The following SUPT6H variants were observed in gnomAD, a reference collection of about 807,000 sequenced individuals.
SUPT6H encodes transcription elongation factor SPT6.
SUPT6H carries 11 observed loss-of-function variants against 222.3 expected under a neutral mutation model. The observed-to-expected ratio is 0.05, with a 90% CI of 0.03 to 0.08. SUPT6H has a LOEUF of 0.08. Ranked by LOEUF, SUPT6H falls within the 10% of genes least tolerant of loss-of-function variation. The pLI is 1.00. For missense variants in SUPT6H, 1,422 were observed against 2,216.0 expected, an observed-to-expected ratio of 0.64 and a Z score of 7.19; for synonymous variants, 762 against 801.2, an observed-to-expected ratio of 0.95 and a Z score of 0.83.
intron 1 of SUPT6H, among the ~76,000 whole-genome samples, chr17:28,672,024 G>A (rs756451093): frequency 8.5e-5 from 13 of 152,186 alleles, no homozygotes. Context: ...TTGCCTGCAA[G>A]GGGAGTAAAT....
chr17:28,690,921 G>A lies in SUPT6H; in HGVS notation c.3491G>A (p.Gly1164Glu). The change falls in exon 27 of 37, where the codon GGA becomes GAA. Residue 1164 changes from glycine (G) to glutamate (E), a missense_variant and splice_region_variant. Gly to Glu is a moderately conservative substitution (Grantham distance 98). Around this residue, in one of 13 missense-constraint regions of SUPT6H, gnomAD observed 60 missense variants for 96.7 expected, o/e 0.62. Transcript: ENST00000314616. The stretch of plus-strand genomic sequence containing the variant: ...CCCCATCCTCTTTTCCTTCTTGCAG[G>A]AAAGCTCATCATCTGCAATGTCACT... ...TKETPETFYI[G>E]KLIICNVTGI... 6.2e-7 allele frequency: 1 copy of A among 1,612,770 alleles called. No homozygotes were observed. The highest frequency in any genetic ancestry group is 1.7e-5 in the Admixed American group (1 of 60,002).
At chr17:28,697,340 C>T (rs1432582312) in intron 30 of SUPT6H, among the ~76,000 whole-genome samples, 4 of 152,186 alleles carry the variant, frequency 2.6e-5, no homozygotes, top group African/African-American at 9.7e-5. Flanking sequence ...CATATATACG[C>T]ACACACATAT....
intron 15 of SUPT6H, 62 bp downstream of exon 15, chr17:28,683,154 T>C: frequency 6.4e-7 from 1 of 1,562,612 alleles, no homozygotes; most frequent in Non-Finnish European, 8.7e-7. Flanking sequence ...ATTGCCTGAG[T>C]TTCTTGCCTT....
intron 26 of SUPT6H, 71 bp from the exon 27 acceptor site, chr17:28,690,850 G>A (rs1039207850): frequency 6.5e-7 from 1 of 1,538,440 alleles, no homozygotes; most frequent in Non-Finnish European, 8.9e-7. Context: ...TTCTGTCACT[G>A]AAAGGCTGGT....
chr17:28,667,010 A>G (rs1403637770), intron 1 of SUPT6H, among the ~76,000 whole-genome samples: 7 of 152,032 alleles, frequency 4.6e-5, no homozygotes, highest in Non-Finnish European at 1.0e-4. Flanking sequence ...ACTTTTATCT[A>G]TTAAACTTTT....
Position 28,683,381 on chromosome 17 carries a change from C to A in SUPT6H, c.1992C>A (p.Leu664=), listed in dbSNP as rs935455333. 6.2e-7 allele frequency: 1 copy of A among 1,613,978 alleles called. No homozygotes were observed. Among genetic ancestry groups the A allele is most frequent in the East Asian group, 2.2e-5 (1 of 44,892 alleles). ...TATGCCTGGCTGAAGACGAAGGGCTCCTCACCACTGACATCAGCATAGATT... is the reference window on the plus strand; with the variant it reads ...TATGCCTGGCTGAAGACGAAGGGCTACTCACCACTGACATCAGCATAGATT... The part of the protein sequence containing the change: ...LKICLAEDEG[L]LTTDISIDLK... The change falls in exon 16 of 37, where the codon CTC becomes CTA. Residue 664 remains leucine, a synonymous_variant. Transcript: ENST00000314616.
Position 28,688,283 on chromosome 17 carries a change from G to A in SUPT6H, c.3134+65G>A, listed in dbSNP as rs1003120707. ...TGTGGGCTTTGTTTTCGGGTTTCAG[G>A]GGTTAGGGCTATCAAAGGGCCACAA... On this transcript the variant is annotated intron_variant, in intron 24 of 36. Coordinates refer to ENST00000314616, the MANE Select transcript of SUPT6H (RefSeq NM_003170.5). This position sits in a 1 kb window ranked among gnomAD's most constrained non-coding sequence, Gnocchi z 4.3. 1.7e-5 allele frequency: 27 copies of A among 1,546,040 alleles called. No homozygotes were observed. In the Middle Eastern group the frequency reaches 5.6e-4, roughly 32 times the overall value.
Position 28,693,844 on chromosome 17 carries a change from A to T in SUPT6H, c.3774+8A>T. 1 of 1,614,176 alleles carries T rather than the reference A, an allele frequency of 6.2e-7. No homozygotes were observed. Among genetic ancestry groups the T allele is most frequent in the Non-Finnish European group, 8.5e-7 (1 of 1,180,016 alleles). On this transcript the variant is annotated splice_region_variant and intron_variant, in intron 28 of 36. Coordinates refer to ENST00000314616, the MANE Select transcript of SUPT6H (RefSeq NM_003170.5). The stretch of plus-strand genomic sequence containing the variant: ...CCAGAAGAACGAGTGAAGGTAGAGG[A>T]CTGATTGTCCTAAGGTCGTAGTGCA...
Position 28,683,718 on chromosome 17 carries a change from A to G in SUPT6H, c.2131A>G (p.Met711Val), listed in dbSNP as rs778520132. Residue 711 changes from methionine (M) to valine (V), a missense_variant, in exon 17 of 37, where the codon ATG becomes GTG. Around this residue, in one of 13 missense-constraint regions of SUPT6H, gnomAD observed 294 missense variants for 382.1 expected, o/e 0.77. Coordinates refer to ENST00000314616, the MANE Select transcript of SUPT6H (RefSeq NM_003170.5). ...QVQEWNRQRT[M>V]AIERALQQFL... ...GCAGGAGTGGAACCGGCAGCGCACC[A>G]TGGCCATCGAACGGGCTTTACAGCA... The G allele has an allele frequency of 6.2e-7, 1 of 1,614,196 alleles. No individual in the cohort carries two copies. The highest frequency in any genetic ancestry group is 1.6e-4 in the Middle Eastern group (1 of 6,062).
intron 10 of SUPT6H, 51 bp from the exon 11 acceptor site, chr17:28,678,770 G>A: frequency 6.2e-7 from 1 of 1,613,782 alleles, no homozygotes; most frequent in Non-Finnish European, 8.5e-7. Context: ...GAGCAGCCTT[G>A]AGTCTCCAGG....
intron 13 of SUPT6H, 85 bp from the exon 14 acceptor site, chr17:28,682,642 C>T: frequency 1.3e-6 from 2 of 1,548,384 alleles, no homozygotes; most frequent in Non-Finnish European, 1.8e-6. Flanking sequence ...AGGCTAGTTC[C>T]CAGAATTCCA....
At chr17:28,689,704 TG>T in intron 25 of SUPT6H, 143 bp downstream of exon 25, 1 of 828,494 alleles carries the variant, frequency 1.2e-6, no homozygotes, top group Non-Finnish European at 1.9e-6. Flanking sequence ...CCTGCTCTAC[TG>T]GGCTCCTCAA....
chr17:28,671,160 C>T (rs2030391282), intron 1 of SUPT6H: 1 of 152,184 alleles, frequency 6.6e-6, no homozygotes, highest in African/African-American at 2.4e-5. Flanking sequence ...TTCAGGTAGC[C>T]ATTAGCCACC....
intron 27 of SUPT6H, among the ~76,000 whole-genome samples, chr17:28,692,874 G>A (rs1323946473): frequency 1.4e-5 from 2 of 147,384 alleles, no homozygotes; most frequent in Middle Eastern, 3.5e-3. Context: ...GGTGGCGGGC[G>A]CTTGTAGTCC....
rs200980888 is a variant in SUPT6H, at chr17:28,686,651, C to T, written c.2565-3C>T. The T allele has an allele frequency of 6.9e-5, 110 of 1,588,710 alleles. No individual in the cohort carries two copies. The African/African-American group carries it at 1.4e-3, about 20-fold the overall frequency. On this transcript the variant is annotated splice_polypyrimidine_tract_variant and splice_region_variant and intron_variant, in intron 20 of 36. Coordinates refer to ENST00000314616, the MANE Select transcript of SUPT6H (RefSeq NM_003170.5). Reference sequence around the variant, plus strand: ...ATTCATTGACCAACACTCATCCCACCAGGGACGCCCAGATGTTGATTGAAG... The same window carrying T: ...ATTCATTGACCAACACTCATCCCACTAGGGACGCCCAGATGTTGATTGAAG...
chr17:28,670,229 A>G (rs1056142623), intron 1 of SUPT6H: 10 of 152,356 alleles, frequency 6.6e-5, no homozygotes, highest in Admixed American at 5.9e-4. Context: ...ACAAATGACT[A>G]CATCTCTCTG....
chr17:28,695,589 GCAGTTCTCC>G (rs1567703799), intron 29 of SUPT6H, 42 bp downstream of exon 29: 2 of 1,581,252 alleles, frequency 1.3e-6, no homozygotes, highest in Admixed American at 3.6e-5. Context: ...CTGCATCTTG[GCAGTTCTCC>G]CAGTGCAGGA....
intron 26 of SUPT6H, among the ~76,000 whole-genome samples, chr17:28,690,713 A>AG: frequency 6.6e-6 from 1 of 152,176 alleles, no homozygotes; most frequent in African/African-American, 2.4e-5. Flanking sequence ...GGCAGAGGTT[A>AG]CAGTCAGCCA....
intron 28 of SUPT6H, 110 bp from the exon 29 acceptor site, chr17:28,695,242 A>G: frequency 1.7e-6 from 2 of 1,186,380 alleles, no homozygotes; most frequent in Middle Eastern, 2.0e-4. Context: ...TGGGCAAGTC[A>G]CTTTACACCT....
Sources: allele counts gnomAD v4.1 joint callset (sites outside exome capture counted in the v4.1 genomes callset), GRCh38; gene constraint gnomAD v4.1.1; regional missense constraint gnomAD v4.1.1; non-coding constraint Gnocchi (gnomAD v3.1); transcripts MANE v1.5; gene names NCBI Gene and HGNC (gene_info 2026-07-23, HGNC 2026-07-21).